COL24A1: variants seen among roughly 807,000 people sequenced by gnomAD.
COL24A1 encodes collagen type XXIV alpha 1 chain.
In COL24A1, 224 loss-of-function variants were observed where a neutral mutation model predicts 253.9. The observed-to-expected ratio is 0.88, with a 90% CI of 0.79 to 0.99. The LOEUF is 0.99. Among genes scored for constraint, COL24A1 ranks in the 50% least tolerant of loss-of-function variants. The pLI is 0.00. For synonymous variants in COL24A1, 685 were observed against 673.7 expected, an observed-to-expected ratio of 1.02 and a Z score of -0.26; for missense variants, 2,131 against 2,068.5, an observed-to-expected ratio of 1.03 and a Z score of -0.59.
chr1:85,975,991 T>A (rs1386659781), intron 20 of COL24A1, among the ~76,000 whole-genome samples: 1 of 152,152 alleles, frequency 6.6e-6, no homozygotes, highest in Non-Finnish European at 1.5e-5. Context: ...AGGGAAGCCA[T>A]CCTTGACTAT....
At chr1:86,149,705 C>G (rs1230476240) in intron 1 of COL24A1, among the ~76,000 whole-genome samples, 1 of 152,142 alleles carries the variant, frequency 6.6e-6, no homozygotes, top group Non-Finnish European at 1.5e-5. Flanking sequence ...TCCCCAATGA[C>G]CTCAGTGGAG....
At chr1:85,860,707 C>G (rs1679043557) in intron 37 of COL24A1, among the ~76,000 whole-genome samples, 1 of 152,154 alleles carries the variant, frequency 6.6e-6, no homozygotes, top group Admixed American at 6.5e-5. Flanking sequence ...TGCCACTGCA[C>G]TCTAGCCTGG....
At chr1:86,150,226 C>T (rs1380725038) in intron 1 of COL24A1, among the ~76,000 whole-genome samples, 2 of 152,110 alleles carry the variant, frequency 1.3e-5, no homozygotes, top group Non-Finnish European at 2.9e-5. Context: ...TGAATCTTTC[C>T]CCCACCTCTG....
chr1:85,957,601 G>A (rs1690596342), intron 24 of COL24A1, among the ~76,000 whole-genome samples: 1 of 152,122 alleles, frequency 6.6e-6, no homozygotes, highest in Non-Finnish European at 1.5e-5. Flanking sequence ...CCCCTGATTT[G>A]CAGCCTACCT....
At chr1:86,116,622 A>G (rs147543512) in intron 3 of COL24A1, among the ~76,000 whole-genome samples, 1 of 152,268 alleles carries the variant, frequency 6.6e-6, no homozygotes, top group Non-Finnish European at 1.5e-5. Flanking sequence ...ATTATGTTGA[A>G]AAAAATAACA....
In COL24A1 at chr1:85,840,432, A is replaced by G. The variant is rs1025044382; in HGVS notation, c.3627+790T>C. On this transcript the variant is annotated intron_variant, in intron 42 of 59. Coordinates refer to ENST00000370571, the MANE Select transcript of COL24A1 (RefSeq NM_152890.7). ...AGAATCTTTCTTGTCTATTTCTAAA[A>G]CAAAGTATAACTTTCAACCATCTCC... Among the ~76,000 whole-genome samples, 20 of 152,288 alleles carry G rather than the reference A, an allele frequency of 1.3e-4. No homozygotes were observed. The South Asian group carries it at 2.3e-3, about 17-fold the overall frequency.
In COL24A1 at chr1:86,125,170, A is replaced by C. The variant is rs1383501913; in HGVS notation, c.1166T>G (p.Leu389Arg). ...QHDDRVTGLS[L>R]FKKMPSILPQ... ...AAGAATAGATGGCATCTTCTTAAACAGTGACAGACCAGTTACTCTATCATC... is the reference window on the plus strand; with the variant it reads ...AAGAATAGATGGCATCTTCTTAAACCGTGACAGACCAGTTACTCTATCATC... The change falls in exon 3 of 60, where the codon CTG (leucine) becomes CGG (arginine). Residue 389 changes from leucine (L) to arginine (R), a missense_variant. Leu to Arg is a moderately radical substitution (Grantham distance 102). Transcript: ENST00000370571. 1 of 1,613,450 alleles carries C rather than the reference A, an allele frequency of 6.2e-7. No homozygotes were observed. Among genetic ancestry groups the C allele is most frequent in the East Asian group, 2.2e-5 (1 of 44,860 alleles).
At chr1:85,835,285 C>T (rs1329183233) in intron 43 of COL24A1, among the ~76,000 whole-genome samples, 2 of 152,074 alleles carry the variant, frequency 1.3e-5, no homozygotes, top group Non-Finnish European at 2.9e-5. Flanking sequence ...GCATGCACCA[C>T]CACACCCAGA....
At chr1:85,951,531 G>A (rs941208626) in intron 24 of COL24A1, among the ~76,000 whole-genome samples, 1 of 152,134 alleles carries the variant, frequency 6.6e-6, no homozygotes. Flanking sequence ...AGATCATAGG[G>A]AGTAAGTTGG....
chr1:85,839,676 G>T (rs1482291025), intron 42 of COL24A1, among the ~76,000 whole-genome samples: 4 of 151,622 alleles, frequency 2.6e-5, no homozygotes, highest in African/African-American at 9.7e-5. Context: ...GCTGCAGTGA[G>T]CCAGCACTCC....
At chr1:86,011,532 T>G (rs1293308357) in intron 19 of COL24A1, among the ~76,000 whole-genome samples, 2 of 152,212 alleles carry the variant, frequency 1.3e-5, no homozygotes, top group Non-Finnish European at 2.9e-5. Flanking sequence ...ATAAAACTTG[T>G]GCTTTTGAAT....
At chr1:85,925,562 A>T (rs1456392166) in intron 24 of COL24A1, among the ~76,000 whole-genome samples, 3 of 152,222 alleles carry the variant, frequency 2.0e-5, no homozygotes, top group Non-Finnish European at 1.5e-5. Flanking sequence ...GAGAAAAACA[A>T]GCAATGGGGA....
chr1:86,034,757 T>C lies in COL24A1; in HGVS notation c.1951-834A>G, dbSNP rs146770808. Reference sequence around the variant, plus strand: ...GGTAAAATAACAAACCTTCTCATTATAAATTCTATTGTAAAATAACTCAAC... The same window carrying C: ...GGTAAAATAACAAACCTTCTCATTACAAATTCTATTGTAAAATAACTCAAC... On this transcript the variant is annotated intron_variant, in intron 12 of 59. Coordinates refer to ENST00000370571, the MANE Select transcript of COL24A1 (RefSeq NM_152890.7). 3.1e-3 allele frequency among the ~76,000 whole-genome samples: 466 copies of C among 152,300 alleles called. 1 individual carries two copies. The highest frequency in any genetic ancestry group is 9.2e-3 in the African/African-American group (382 of 41,578).
intron 14 of COL24A1, among the ~76,000 whole-genome samples, chr1:86,026,810 T>C (rs755512980): frequency 6.6e-6 from 1 of 152,184 alleles, no homozygotes; most frequent in Non-Finnish European, 1.5e-5. Context: ...GACAGGAAGA[T>C]GTGGGAAAGT....
At chr1:86,052,342 T>C (rs1017936906) in intron 10 of COL24A1, among the ~76,000 whole-genome samples, 1 of 152,090 alleles carries the variant, frequency 6.6e-6, no homozygotes, top group Admixed American at 6.6e-5. Context: ...AAATGTTCAT[T>C]AACAGATGAA....
intron 24 of COL24A1, among the ~76,000 whole-genome samples, chr1:85,953,337 T>C (rs571660698): frequency 6.6e-6 from 1 of 152,280 alleles, no homozygotes; most frequent in African/African-American, 2.4e-5. Context: ...CCTAAGAGAA[T>C]AGTAACATGT....
chr1:86,029,467 A>G (rs1176689107), intron 14 of COL24A1, among the ~76,000 whole-genome samples: 1 of 152,234 alleles, frequency 6.6e-6, no homozygotes, highest in East Asian at 1.9e-4. Context: ...AGAAAAGTTT[A>G]AATGTTTCAG....
chr1:85,781,190 T>C, intron 52 of COL24A1, 30 bp downstream of exon 52: 1 of 1,494,126 alleles, frequency 6.7e-7, no homozygotes, highest in Non-Finnish European at 9.1e-7. Context: ...AAAAAAAGAG[T>C]ACAAAAGACT....
chr1:85,730,836 G>C (rs1299547170), intron 59 of COL24A1, 144 bp from the exon 60 acceptor site: 1 of 769,086 alleles, frequency 1.3e-6, no homozygotes, highest in East Asian at 2.7e-5. Context: ...TCAATAAATG[G>C]TAAAATTACT....
Sources: allele counts gnomAD v4.1 joint callset (sites outside exome capture counted in the v4.1 genomes callset), GRCh38; gene constraint gnomAD v4.1.1; transcripts MANE v1.5; gene names NCBI Gene and HGNC (gene_info 2026-07-23, HGNC 2026-07-21).